Variants in ADAMTS2 observed in about 807,000 individuals in gnomAD.
ADAMTS2 encodes the protein A disintegrin and metalloproteinase with thrombospondin motifs 2.
In ADAMTS2, 50 loss-of-function variants were observed where a neutral mutation model predicts 123.0. The observed-to-expected ratio is 0.41, with a 90% CI of 0.32 to 0.51. The LOEUF (loss-of-function observed/expected upper bound fraction) is 0.51, where lower values mean the gene tolerates loss of function less well. ADAMTS2 is among the 20% of genes least tolerant of loss of function. The probability of loss-of-function intolerance (pLI) is 0.35; values close to 1 mark genes in which losing one functional copy is unlikely to be tolerated. For synonymous variants in ADAMTS2, 678 were observed against 695.4 expected (o/e 0.98, Z 0.39); for missense variants, 1,494 against 1,705.2 (o/e 0.88, Z 2.18).
chr5:179,328,456 A>G (rs1298011897), intron 2 of ADAMTS2, among the ~76,000 whole-genome samples: 1 of 152,266 alleles, frequency 6.6e-6, no homozygotes, highest in Non-Finnish European at 1.5e-5. Context: ...AAGGATCTGA[A>G]GCAGGGGCTG....
At chr5:179,267,252 G>A (rs952744877) in intron 3 of ADAMTS2, among the ~76,000 whole-genome samples, 5 of 152,230 alleles carry the variant, frequency 3.3e-5, no homozygotes, top group African/African-American at 1.2e-4. Context: ...AGGGCTGGCT[G>A]TGGGCTGCAG....
At position 179,129,877 on chromosome 5, in the gene ADAMTS2, C is replaced by G; in HGVS notation, c.2457+55G>C. On this transcript the variant is annotated intron_variant, in intron 16 of 21. Transcript: ENST00000251582. This position sits in a 1 kb window ranked among gnomAD's most constrained non-coding sequence, Gnocchi z 4.1. ...GCTCAGCGTCCCAGGCACCCCCATC[C>G]CTCCCCCAGTGGCCACCCGCACCCT... 6.2e-7 allele frequency: 1 copy of G among 1,607,354 alleles called. No individual in the cohort carries two copies. The highest frequency in any genetic ancestry group is 1.7e-5 in the Admixed American group (1 of 59,946).
intron 3 of ADAMTS2, among the ~76,000 whole-genome samples, chr5:179,265,713 G>GT (rs1317152055): frequency 4.6e-5 from 7 of 152,340 alleles, no homozygotes; most frequent in Admixed American, 4.6e-4. Context: ...CCCCTTCCGC[G>GT]TGGGCCACAT....
rs1324055983 is a variant in ADAMTS2 at position 179,141,560 on chromosome 5, GC to G, written c.1630-1526del. Among the ~76,000 whole-genome samples the G allele has an allele frequency of 1.5e-4, 23 of 151,946 alleles. No homozygotes were observed. The East Asian group carries it at 3.9e-3, about 26-fold the overall frequency. ...TAAGGTCTAAACAACAAATGAAGAAGCTTTTTTTTTTTCTCAAGAAAATCTA... is the reference window on the plus strand; with the variant it reads ...TAAGGTCTAAACAACAAATGAAGAAGTTTTTTTTTTTCTCAAGAAAATCTA... On this transcript the variant is annotated intron_variant, in intron 10 of 21. Coordinates refer to ENST00000251582, the MANE Select transcript of ADAMTS2 (RefSeq NM_014244.5).
rs1581159826 is a variant in ADAMTS2 at position 179,158,624 on chromosome 5, C to T, written c.1132+99G>A. ...GGCCACGGCCTTCCCTGCCCTGACACTCTTCCCTGGGCTGGGCCAAGGCTC... is the reference window on the plus strand; with the variant it reads ...GGCCACGGCCTTCCCTGCCCTGACATTCTTCCCTGGGCTGGGCCAAGGCTC... On this transcript the variant is annotated intron_variant, in intron 6 of 21. Transcript: ENST00000251582. This position sits in a 1 kb window ranked among gnomAD's most constrained non-coding sequence, Gnocchi z 5.0. 4 of 1,553,646 alleles carry T rather than the reference C, an allele frequency of 2.6e-6. No individual in the cohort carries two copies. Among genetic ancestry groups the T allele is most frequent in the Non-Finnish European group, 3.5e-6 (4 of 1,132,216 alleles).
At chr5:179,213,557 G>A (rs943710784) in intron 3 of ADAMTS2, among the ~76,000 whole-genome samples, 7 of 152,158 alleles carry the variant, frequency 4.6e-5, no homozygotes, top group Admixed American at 1.3e-4. Flanking sequence ...GTTGGGAACT[G>A]GGATAGAAGG....
rs1434564488 is a variant in ADAMTS2 at position 179,175,221 on chromosome 5, C to G, written c.975+5851G>C. ...TGCTTTGGAGGAAGTCTCTTCCTTG[C>G]TTGGGTTCCGCAGCTGTCTCAGCCA... On this transcript the variant is annotated intron_variant, in intron 5 of 21. Coordinates refer to ENST00000251582, the MANE Select transcript of ADAMTS2 (RefSeq NM_014244.5). This position sits in a 1 kb window ranked among gnomAD's most constrained non-coding sequence, Gnocchi z 4.1. 6.6e-6 allele frequency among the ~76,000 whole-genome samples: 1 copy of G among 151,644 alleles called. No homozygotes were observed. The highest frequency in any genetic ancestry group is 1.5e-5 in the Non-Finnish European group (1 of 67,946).
intron 2 of ADAMTS2, among the ~76,000 whole-genome samples, chr5:179,276,521 G>A (rs1396869550): frequency 6.6e-6 from 1 of 152,160 alleles, no homozygotes; most frequent in Non-Finnish European, 1.5e-5. Context: ...CATGAGGCAG[G>A]TCATTTCCCG....
intron 3 of ADAMTS2, among the ~76,000 whole-genome samples, chr5:179,209,022 C>G (rs1407500752): frequency 6.6e-6 from 1 of 152,244 alleles, no homozygotes; most frequent in East Asian, 1.9e-4. Flanking sequence ...CTCCTGCTGC[C>G]TCTTCCAGGC....
chr5:179,122,869 T>TGC, intron 19 of ADAMTS2, 96 bp from the exon 20 acceptor site: 2 of 1,526,890 alleles, frequency 1.3e-6, no homozygotes, highest in Non-Finnish European at 1.8e-6. Context: ...ACATGACCCA[T>TGC]GCGCTCAGGA....
chr5:179,258,193 G>T (rs532825784), intron 3 of ADAMTS2, among the ~76,000 whole-genome samples: 51 of 152,298 alleles, frequency 3.3e-4, no homozygotes, highest in Non-Finnish European at 6.8e-4. Flanking sequence ...ACTGCCCATG[G>T]CTGTGGGCTC....
intron 2 of ADAMTS2, among the ~76,000 whole-genome samples, chr5:179,278,142 CCCCCCGCGAGACCAAAGGCTGA>C: frequency 1.6e-5 from 1 of 62,594 alleles, no homozygotes; most frequent in Non-Finnish European, 3.3e-5. Context: ...CAAAGGCTGA[CCCCCCGCGAGACCAAAGGCTGA>C]CCCCCCCGAG....
intron 3 of ADAMTS2, among the ~76,000 whole-genome samples, chr5:179,245,457 C>T (rs1393839655): frequency 1.3e-5 from 2 of 152,158 alleles, no homozygotes. Flanking sequence ...ACAAGTTGCA[C>T]AGCAAGAACA....
At chr5:179,261,383 C>T (rs534175703) in intron 3 of ADAMTS2, among the ~76,000 whole-genome samples, 5 of 152,336 alleles carry the variant, frequency 3.3e-5, no homozygotes, top group African/African-American at 1.2e-4. Flanking sequence ...CTGTGGGAGC[C>T]AGTCTGGCTC....
chr5:179,243,325 T>C (rs2113454527), intron 3 of ADAMTS2, among the ~76,000 whole-genome samples: 1 of 152,252 alleles, frequency 6.6e-6, no homozygotes, highest in East Asian at 1.9e-4. Context: ...ATCCCTCAAT[T>C]AGTGAAGCCT....
intron 2 of ADAMTS2, among the ~76,000 whole-genome samples, chr5:179,302,295 A>G (rs1756547230): frequency 6.7e-6 from 1 of 149,294 alleles, no homozygotes; most frequent in South Asian, 2.1e-4. Context: ...CCCCGTCTCT[A>G]CTAAAAAAAT....
rs1179687426 is a variant in ADAMTS2 at position 179,314,530 on chromosome 5, C to G, written c.534+29237G>C. On this transcript the variant is annotated intron_variant, in intron 2 of 21. Transcript: ENST00000251582. This position sits in a 1 kb window ranked among gnomAD's most constrained non-coding sequence, Gnocchi z 4.5. Reference sequence around the variant, plus strand: ...GCCCAGGAAGCAGCCCTCCCACCCACAGCGCTCCTGCCTCTGCAGCCCCCC... The same window carrying G: ...GCCCAGGAAGCAGCCCTCCCACCCAGAGCGCTCCTGCCTCTGCAGCCCCCC... Among the ~76,000 whole-genome samples the G allele has an allele frequency of 2.0e-5, 3 of 152,172 alleles. No individual in the cohort carries two copies. The highest frequency in any genetic ancestry group is 1.3e-4 in the Admixed American group (2 of 15,286).
intron 2 of ADAMTS2, among the ~76,000 whole-genome samples, chr5:179,322,174 C>T (rs984758735): frequency 1.3e-5 from 2 of 152,318 alleles, no homozygotes; most frequent in African/African-American, 2.4e-5. Context: ...AAGGCACATA[C>T]GACAGTTTTT....
intron 4 of ADAMTS2, among the ~76,000 whole-genome samples, chr5:179,206,054 C>T (rs1011916241): frequency 1.8e-4 from 28 of 152,268 alleles, no homozygotes; most frequent in East Asian, 5.8e-4. Flanking sequence ...CCACCGCACC[C>T]GGCCGTTATT....
Sources: allele counts gnomAD v4.1 joint callset (sites outside exome capture counted in the v4.1 genomes callset), GRCh38; gene constraint gnomAD v4.1.1; non-coding constraint Gnocchi (gnomAD v3.1); transcripts MANE v1.5; gene names NCBI Gene and HGNC (gene_info 2026-07-23, HGNC 2026-07-21).